ARSG: variants seen among roughly 807,000 people sequenced by gnomAD.
ARSG encodes the protein ASG.
A neutral mutation model predicts 50.5 loss-of-function variants in ARSG; 37 were observed. That is an observed-to-expected ratio of 0.73 (90% confidence interval 0.56 to 0.96). ARSG has a LOEUF of 0.96. Among genes scored for constraint, ARSG ranks in the 50% least tolerant of loss-of-function variants. The pLI, the probability that ARSG is intolerant of heterozygous loss-of-function variation, is 0.00. For synonymous variants in ARSG, 225 were observed against 254.6 expected (o/e 0.88, Z 1.11); for missense variants, 629 against 675.3 (o/e 0.93, Z 0.76).
At chr17:68,447,674 C>A in the ARSG span, among the ~76,000 whole-genome samples, 1 of 152,094 alleles carries the variant, frequency 6.6e-6, no homozygotes, top group Non-Finnish European at 1.5e-5. Flanking sequence ...CACACTTGGC[C>A]CTTTCCTTCC....
intron 8 of ARSG, among the ~76,000 whole-genome samples, chr17:68,372,331 T>G (rs1050292645): frequency 7.2e-5 from 11 of 152,162 alleles, no homozygotes; most frequent in Admixed American, 4.6e-4. Flanking sequence ...CTCCAAGAGA[T>G]AAAATAAACT....
chr17:68,386,963 G>GT, intron 9 of ARSG, among the ~76,000 whole-genome samples: 1 of 152,032 alleles, frequency 6.6e-6, no homozygotes, highest in Non-Finnish European at 1.5e-5. Context: ...CCAACACACC[G>GT]TATCGGTACC....
At chr17:68,264,446 CT>C (rs531424299) in intron 1 of ARSG, among the ~76,000 whole-genome samples, 8 of 148,658 alleles carry the variant, frequency 5.4e-5, no homozygotes, top group African/African-American at 1.7e-4. Context: ...GGTCTCAACT[CT>C]TTTTTTTTTG....
chr17:68,433,317 T>G, the ARSG span: 3 of 721,158 alleles, frequency 4.2e-6, no homozygotes, highest in Non-Finnish European at 6.7e-6. Flanking sequence ...CCTCCAAAGT[T>G]TTGCTAACAC....
At chr17:68,422,272 C>G, downstream of ARSG, 1 of 161,618 alleles carries the variant, frequency 6.2e-6, no homozygotes, top group East Asian at 1.6e-4. Context: ...CTAAAAAATA[C>G]AAAAATTAGC....
chr17:68,359,290 G>A (rs1307876277), intron 6 of ARSG, among the ~76,000 whole-genome samples: 1 of 152,140 alleles, frequency 6.6e-6, no homozygotes, highest in Non-Finnish European at 1.5e-5. Flanking sequence ...GGCAAAGAAT[G>A]GACATTGTGA....
chr17:68,266,348 G>A (rs1224976284), intron 1 of ARSG, among the ~76,000 whole-genome samples: 3 of 140,212 alleles, frequency 2.1e-5, no homozygotes, highest in Non-Finnish European at 3.1e-5. Flanking sequence ...AAATAAAATC[G>A]TCCTGTTTTC....
intron 1 of ARSG, among the ~76,000 whole-genome samples, chr17:68,265,353 G>A (rs1568397613): frequency 6.6e-6 from 1 of 151,906 alleles, no homozygotes; most frequent in African/African-American, 2.4e-5. Flanking sequence ...AACTAGCTGG[G>A]TGTGGTGGTG....
At chr17:68,441,486 C>G in the ARSG span, among the ~76,000 whole-genome samples, 5 of 152,190 alleles carry the variant, frequency 3.3e-5, no homozygotes, top group African/African-American at 4.8e-5. Flanking sequence ...CATCTTATTT[C>G]TTTGTTCAGA....
intron 2 of ARSG, among the ~76,000 whole-genome samples, chr17:68,326,936 C>T (rs1385318206): frequency 1.3e-5 from 2 of 152,124 alleles, no homozygotes; most frequent in Non-Finnish European, 2.9e-5. Flanking sequence ...TGCTCTACAG[C>T]AAAACACAAC....
intron 8 of ARSG, among the ~76,000 whole-genome samples, chr17:68,380,096 G>A (rs1427576814): frequency 6.6e-6 from 1 of 152,078 alleles, no homozygotes; most frequent in Non-Finnish European, 1.5e-5. Context: ...TCAACGTGAA[G>A]ACAACGAGGA....
At position 68,366,573 on chromosome 17, in the gene ARSG, A is replaced by G. The variant is rs547224582; in HGVS notation, c.705-1975A>G. ...CACTGCAAATCATTGCTGTACGAAA[A>G]AACTAGGCAAGAATGGAGATGTTTT... On this transcript the variant is annotated intron_variant, in intron 6 of 11. Coordinates refer to ENST00000621439, the MANE Select transcript of ARSG (RefSeq NM_001267727.2). Among the ~76,000 whole-genome samples, 261 of 152,268 alleles carry G rather than the reference A, an allele frequency of 1.7e-3. 16 individuals are homozygous for G. The South Asian group carries it at 0.053, about 31-fold the overall frequency.
chr17:68,344,370 A>G (rs1465020959), intron 3 of ARSG, among the ~76,000 whole-genome samples: 2 of 152,226 alleles, frequency 1.3e-5, no homozygotes, highest in Non-Finnish European at 1.5e-5. Context: ...GAACAAAACC[A>G]CAGTTCTATT....
At chr17:68,321,499 T>G (rs1555770553) in intron 2 of ARSG, among the ~76,000 whole-genome samples, 1 of 152,206 alleles carries the variant, frequency 6.6e-6, no homozygotes, top group Non-Finnish European at 1.5e-5. Flanking sequence ...AAAAACCTAT[T>G]TTCACGTCCA....
At chr17:68,434,471 C>T in the ARSG span, 1 of 1,445,240 alleles carries the variant, frequency 6.9e-7, no homozygotes, top group Non-Finnish European at 9.5e-7. Flanking sequence ...CAGAGCCACT[C>T]TCTGTCCTCT....
intron 1 of ARSG, among the ~76,000 whole-genome samples, chr17:68,292,323 C>T (rs1555756558): frequency 6.6e-6 from 1 of 152,158 alleles, no homozygotes; most frequent in African/African-American, 2.4e-5. Context: ...GAGGTTTAGA[C>T]AGTCCGTGCC....
In ARSG at chr17:68,395,195, T is replaced by C. The variant is rs2081186557; in HGVS notation, c.1212+2T>C. The C allele has an allele frequency of 1.9e-6, 3 of 1,613,770 alleles. No individual in the cohort carries two copies. Among genetic ancestry groups the C allele is most frequent in the Non-Finnish European group, 1.7e-6 (2 of 1,179,822 alleles). On this transcript the variant is annotated splice_donor_variant, in intron 10 of 11. Coordinates refer to ENST00000621439, the MANE Select transcript of ARSG (RefSeq NM_001267727.2). LOFTEE classifies it high-confidence loss of function. Reference sequence around the variant, plus strand: ...GGCCGGTCACAGCCTGGGCACAGGGTAAGTGGAGGAGGTACTTGCCCACAT... The same window carrying C: ...GGCCGGTCACAGCCTGGGCACAGGGCAAGTGGAGGAGGTACTTGCCCACAT...
At chr17:68,392,100 A>G (rs2081019264) in intron 9 of ARSG, among the ~76,000 whole-genome samples, 1 of 152,222 alleles carries the variant, frequency 6.6e-6, no homozygotes, top group Non-Finnish European at 1.5e-5. Flanking sequence ...TGAATGGTGC[A>G]TGCGAAAGCC....
intron 6 of ARSG, among the ~76,000 whole-genome samples, chr17:68,363,418 T>G (rs1023611433): frequency 6.6e-6 from 1 of 152,082 alleles, no homozygotes; most frequent in Non-Finnish European, 1.5e-5. Context: ...GTGAGGAGTT[T>G]GGATTGACCC....
Sources: gnomAD v4.1 joint callset for allele counts (sites outside exome capture counted in the v4.1 genomes callset) on GRCh38, gnomAD v4.1.1 for gene constraint, MANE v1.5 for transcripts, NCBI Gene and HGNC (gene_info 2026-07-23, HGNC 2026-07-21) for gene names.